The following MGAM variants were observed in gnomAD, a reference collection of about 807,000 sequenced individuals.
MGAM encodes the protein maltase-glucoamylase.
A neutral mutation model predicts 358.8 loss-of-function variants in MGAM; 253 were observed. The ratio of observed to expected loss-of-function variants is 0.71; its 90% confidence interval spans 0.64 to 0.78. The LOEUF is 0.78. MGAM is among the 30% of genes least tolerant of loss of function. The probability of loss-of-function intolerance (pLI) is 0.00; values close to 1 mark genes in which losing one functional copy is unlikely to be tolerated. For synonymous variants in MGAM, 1,105 were observed against 1,227.1 expected, an observed-to-expected ratio of 0.90 and a Z score of 2.08; for missense variants, 3,080 against 3,432.6, an observed-to-expected ratio of 0.90 and a Z score of 2.57.
At chr7:142,102,729 G>A (rs758751057) in intron 69 of MGAM, 50 bp downstream of exon 69, 2 of 1,553,776 alleles carry the variant, frequency 1.3e-6, no homozygotes, top group East Asian at 4.5e-5. Flanking sequence ...GGCTTAGGAG[G>A]GTGCTGAATA....
intron 26 of MGAM, among the ~76,000 whole-genome samples, chr7:142,054,533 C>T (rs1010103479): frequency 2.0e-5 from 3 of 152,010 alleles, no homozygotes; most frequent in Admixed American, 6.6e-5. Flanking sequence ...GCAGCAATGT[C>T]CCATTGAGTT....
chr7:142,041,317 T>G (rs528798924), intron 21 of MGAM, among the ~76,000 whole-genome samples: 352 of 150,948 alleles, frequency 2.3e-3, no homozygotes, highest in African/African-American at 8.3e-3. Flanking sequence ...AGTATTAGCC[T>G]ACTTGTCTTT....
At chr7:142,010,671 C>T (rs1224294831) in intron 3 of MGAM, among the ~76,000 whole-genome samples, 1 of 152,052 alleles carries the variant, frequency 6.6e-6, no homozygotes, top group African/African-American at 2.4e-5. Context: ...TTTTTTACAT[C>T]CAACTTTTGT....
In MGAM at chr7:142,052,427, C is replaced by G; in HGVS notation, c.2939C>G (p.Ala980Gly). The change falls in exon 25 of 71, where the codon GCC (alanine) becomes GGC (glycine). Residue 980 changes from alanine to glycine, a missense_variant. By Grantham distance (60) the Ala-to-Gly change is moderately conservative. This residue lies in a region of MGAM where 1,816 missense variants were observed against 1,840.5 expected (regional missense o/e 0.99). Coordinates refer to ENST00000475668, the MANE Select transcript of MGAM (RefSeq NM_001365693.1). ...ENGASAENCT[A>G]RGCIWEASNS... ...GGTGCTTCTGCCGAAAACTGCACTGCCCGTGGCTGTATCTGGGAGGTAACC... is the reference window on the plus strand; with the variant it reads ...GGTGCTTCTGCCGAAAACTGCACTGGCCGTGGCTGTATCTGGGAGGTAACC... The G allele has an allele frequency of 6.2e-7, 1 of 1,613,436 alleles. No individual in the cohort carries two copies.
chr7:142,048,356 G>A (rs1407437211), intron 22 of MGAM, among the ~76,000 whole-genome samples: 1 of 151,510 alleles, frequency 6.6e-6, no homozygotes, highest in Non-Finnish European at 1.5e-5. Context: ...CACCGTGTTA[G>A]CCAGGATGAT....
chr7:142,082,338 C>A, intron 51 of MGAM, 128 bp downstream of exon 51: 1 of 1,294,024 alleles, frequency 7.7e-7, no homozygotes, highest in South Asian at 1.3e-5. Context: ...GGCCAATTCT[C>A]AGGCTCCTTT....
chr7:142,063,444 T>C (rs1028834079), intron 35 of MGAM, 55 bp from the exon 36 acceptor site: 2 of 1,573,530 alleles, frequency 1.3e-6, no homozygotes, highest in African/African-American at 2.7e-5. Flanking sequence ...GGCTCAGAAT[T>C]GGCAGGACGT....
At chr7:142,057,540 G>A (rs1431919381) in intron 30 of MGAM, among the ~76,000 whole-genome samples, 2 of 144,422 alleles carry the variant, frequency 1.4e-5, no homozygotes, top group Admixed American at 1.4e-4. Flanking sequence ...GGTTGGGGTG[G>A]TGGTGGGGGT....
chr7:142,013,197 C>G (rs372255418), intron 3 of MGAM, among the ~76,000 whole-genome samples: 48 of 152,024 alleles, frequency 3.2e-4, no homozygotes, highest in South Asian at 1.7e-3. Flanking sequence ...CAATACAGAT[C>G]AGAGCAGGAT....
At chr7:142,010,317 T>C in intron 3 of MGAM, among the ~76,000 whole-genome samples, 1 of 152,190 alleles carries the variant, frequency 6.6e-6, no homozygotes, top group South Asian at 2.1e-4. Context: ...TTCACTGAAT[T>C]CCTTCCTATC....
intron 13 of MGAM, 58 bp from the exon 14 acceptor site, chr7:142,032,767 C>T (rs899729508): frequency 4.9e-5 from 51 of 1,035,482 alleles, no homozygotes; most frequent in East Asian, 1.3e-4. Context: ...GACACCATCA[C>T]GACATCATAA....
At position 142,034,666 on chromosome 7, in the gene MGAM, G is replaced by A; in HGVS notation, c.1788-4G>A. 6.2e-7 allele frequency: 1 copy of A among 1,612,440 alleles called. No homozygotes were observed. ...TTGACTCCTTAAATCTCTCTCCCTT[G>A]CAGAGCTGCCAAGACTGTGTTCCCT... On this transcript the variant is annotated splice_region_variant and splice_polypyrimidine_tract_variant and intron_variant, in intron 15 of 70. Coordinates refer to ENST00000475668, the MANE Select transcript of MGAM (RefSeq NM_001365693.1).
chr7:142,075,234 T>C lies in MGAM; in HGVS notation c.5276-969T>C, dbSNP rs150521431. ...GTATATATGTACCAGAACATCTTTA[T>C]CTATTCATCCACTGATAGACACTTA... On this transcript the variant is annotated intron_variant, in intron 45 of 70. Coordinates refer to ENST00000475668, the MANE Select transcript of MGAM (RefSeq NM_001365693.1). Among the ~76,000 whole-genome samples, 10 of 146,784 alleles carry C rather than the reference T, an allele frequency of 6.8e-5. 2 individuals carry two copies. The highest frequency in any genetic ancestry group is 2.1e-4 in the Admixed American group (3 of 14,598).
Position 142,078,888 on chromosome 7 carries a change from T to A in MGAM, c.5727T>A (p.His1909Gln). The change falls in exon 49 of 71, where the codon CAT becomes CAA. Residue 1909 changes from histidine (H) to glutamine (Q), a missense_variant. Coordinates refer to ENST00000475668, the MANE Select transcript of MGAM (RefSeq NM_001365693.1). ...YSVSDVQYNS[H>Q]GATADISLKS... ...TCAGTGATGTTCAGTATAACTCCCA[T>A]GGGGCCACAGCTGACATCTCCTTAA... 6.4e-7 allele frequency: 1 copy of A among 1,555,342 alleles called. No individual in the cohort carries two copies. The highest frequency in any genetic ancestry group is 2.3e-5 in the East Asian group (1 of 43,886).
In MGAM at chr7:142,072,685, C is replaced by T. The variant is rs114238884; in HGVS notation, c.5187-1400C>T. On this transcript the variant is annotated intron_variant, in intron 44 of 70. Transcript: ENST00000475668. The stretch of plus-strand genomic sequence containing the variant: ...TTCATACTGTGATAATCTTAAGCAT[C>T]TAAATGTGGGTCTCCTTCCTCCAGA... Among the ~76,000 whole-genome samples, 372 of 146,292 alleles carry T rather than the reference C, an allele frequency of 2.5e-3. 14 individuals are homozygous for T. The highest frequency in any genetic ancestry group is 8.7e-3 in the African/African-American group (360 of 41,248).
At chr7:142,099,777 A>G in intron 67 of MGAM, 40 bp downstream of exon 67, 2 of 1,606,278 alleles carry the variant, frequency 1.2e-6, no homozygotes, top group Non-Finnish European at 1.7e-6. Flanking sequence ...CATGTCAGTT[A>G]GCTCAACAAT....
chr7:142,090,930 T>C lies in MGAM; in HGVS notation c.6811-983T>C, dbSNP rs1378006320. 1.4e-5 allele frequency among the ~76,000 whole-genome samples: 2 copies of C among 146,314 alleles called. 1 individual carries two copies. The highest frequency in any genetic ancestry group is 3.1e-5 in the Non-Finnish European group (2 of 64,670). On this transcript the variant is annotated intron_variant, in intron 57 of 70. Coordinates refer to ENST00000475668, the MANE Select transcript of MGAM (RefSeq NM_001365693.1). Reference sequence around the variant, plus strand: ...TGAATATAAAACAAGCTTCTTGCTCTCAAAAGTCTACAATGTAGTTAAGAA... The same window carrying C: ...TGAATATAAAACAAGCTTCTTGCTCCCAAAAGTCTACAATGTAGTTAAGAA...
At chr7:142,025,970 CTG>C (rs1806926317) in intron 8 of MGAM, among the ~76,000 whole-genome samples, 1 of 152,056 alleles carries the variant, frequency 6.6e-6, no homozygotes, top group African/African-American at 2.4e-5. Flanking sequence ...AATAGAAAGA[CTG>C]TACAGTTTTA....
rs1554464979 is a variant in MGAM at position 142,034,345 on chromosome 7, C to G, written c.1753C>G (p.Leu585Val). ...HWGKQYDIHN[L>V]YGYSMAVATA... Reference sequence around the variant, plus strand: ...GGGCAAGCAGTATGACATTCACAATCTGTATGGCTACTCCATGGCGGTCGC... The same window carrying G: ...GGGCAAGCAGTATGACATTCACAATGTGTATGGCTACTCCATGGCGGTCGC... The change falls in exon 15 of 71, where the codon CTG becomes GTG. Residue 585 changes from leucine to valine, a missense_variant. Coordinates refer to ENST00000475668, the MANE Select transcript of MGAM (RefSeq NM_001365693.1). 6.3e-7 allele frequency: 1 copy of G among 1,593,862 alleles called. No individual in the cohort carries two copies. Among genetic ancestry groups the G allele is most frequent in the African/African-American group, 1.3e-5 (1 of 74,672 alleles).
Sources: gnomAD v4.1 joint callset for allele counts (sites outside exome capture counted in the v4.1 genomes callset) on GRCh38, gnomAD v4.1.1 for gene constraint, gnomAD v4.1.1 regional missense constraint, MANE v1.5 for transcripts, NCBI Gene and HGNC (gene_info 2026-07-23, HGNC 2026-07-21) for gene names.